The following DGKZ variants were observed in gnomAD, a reference collection of about 807,000 sequenced individuals.
DGKZ encodes DAG kinase zeta.
Under a neutral mutation model 142.5 loss-of-function variants are expected in DGKZ, and 45 were observed. The ratio of observed to expected loss-of-function variants is 0.32; its 90% CI spans 0.25 to 0.40. DGKZ has a LOEUF of 0.40. Among genes scored for constraint, DGKZ ranks in the 10% least tolerant of loss-of-function variants. The pLI is 1.00. For synonymous variants in DGKZ, 442 were observed against 527.0 expected, an observed-to-expected ratio of 0.84 and a Z score of 2.21; for missense variants, 755 against 1,306.5, an observed-to-expected ratio of 0.58 and a Z score of 6.51.
upstream of DGKZ, among the ~76,000 whole-genome samples, chr11:46,342,864 C>T (rs1940341995): frequency 6.6e-6 from 1 of 152,156 alleles, no homozygotes; most frequent in Non-Finnish European, 1.5e-5. Flanking sequence ...TGGCTCATGC[C>T]TGTAATCCCA....
At chr11:46,375,175 C>A in intron 19 of DGKZ, 130 bp downstream of exon 19, 2 of 963,172 alleles carry the variant, frequency 2.1e-6, no homozygotes, top group Non-Finnish European at 3.0e-6. Context: ...ATTCCTCTGG[C>A]TTGAGAGCGG....
intron 25 of DGKZ, chr11:46,377,430 A>C: frequency 1.2e-6 from 1 of 849,728 alleles, no homozygotes; most frequent in Non-Finnish European, 1.7e-6. Flanking sequence ...CCTCCTCTGG[A>C]CCTCATCCTT....
In DGKZ at chr11:46,372,039, G is replaced by T; in HGVS notation, c.832-36G>T. On this transcript the variant is annotated intron_variant, in intron 9 of 30. Coordinates refer to ENST00000527911, the Ensembl canonical transcript of DGKZ. This position sits in a 1 kb window ranked among gnomAD's most constrained non-coding sequence, Gnocchi z 5.9. ...AGGATGATGGTAGGGTGTCCTGGACGGGAAGGAGCTTACAGCCTCTCACCT... is the reference window on the plus strand; with the variant it reads ...AGGATGATGGTAGGGTGTCCTGGACTGGAAGGAGCTTACAGCCTCTCACCT... 6.4e-7 allele frequency: 1 copy of T among 1,569,162 alleles called. No homozygotes were observed. The highest frequency in any genetic ancestry group is 2.3e-5 in the East Asian group (1 of 43,054).
intron 1 of DGKZ, among the ~76,000 whole-genome samples, chr11:46,348,880 A>C (rs548473041): frequency 6.6e-6 from 1 of 152,186 alleles, no homozygotes; most frequent in African/African-American, 2.4e-5. Context: ...GAGCCACCTC[A>C]GACTGAACTC....
chr11:46,378,308 G>C, intron 26 of DGKZ, 79 bp downstream of exon 26: 1 of 1,552,866 alleles, frequency 6.4e-7, no homozygotes, highest in African/African-American at 1.4e-5. Context: ...ATAGGGCCCA[G>C]ACACAGCCTT....
At chr11:46,366,607 T>TGAG (rs773555696) in intron 1 of DGKZ, 1 of 1,608,044 alleles carries the variant, frequency 6.2e-7, no homozygotes, top group Non-Finnish European at 8.5e-7. Flanking sequence ...TGGGCATGAA[T>TGAG]GAGGAGGAGG....
upstream of DGKZ, chr11:46,345,518 C>T: frequency 6.6e-7 from 1 of 1,521,174 alleles, no homozygotes; most frequent in Middle Eastern, 1.8e-4. The surrounding 1 kb of genome is among the most constrained non-coding windows in gnomAD (Gnocchi z 4.1). Flanking sequence ...GCCGGGGTCA[C>T]TGAGGCAGAT....
chr11:46,374,870 G>C (rs1339295265), intron 18 of DGKZ, 31 bp downstream of exon 18: 8 of 1,582,816 alleles, frequency 5.1e-6, no homozygotes, highest in Non-Finnish European at 5.2e-6. Context: ...GCTGGGGGGA[G>C]CCCTGCTGTC....
intron 1 of DGKZ, among the ~76,000 whole-genome samples, chr11:46,333,991 C>A (rs1387753314): frequency 6.6e-6 from 1 of 152,208 alleles, no homozygotes; most frequent in African/African-American, 2.4e-5. Flanking sequence ...CCCCATGCCC[C>A]AGCAGGCCCT....
At chr11:46,360,806 T>G (rs890143914) in intron 1 of DGKZ, among the ~76,000 whole-genome samples, 1 of 151,704 alleles carries the variant, frequency 6.6e-6, no homozygotes, top group African/African-American at 2.4e-5. Flanking sequence ...AAAAAGAGTT[T>G]AAAGAGGTCT....
intron 4 of DGKZ, 188 bp from the exon 5 acceptor site, chr11:46,369,306 G>A (rs2136472016): frequency 1.5e-6 from 1 of 686,398 alleles, no homozygotes; most frequent in Non-Finnish European, 2.6e-6. Flanking sequence ...CCTCTGGCTA[G>A]TGAGGAGGAG....
upstream of DGKZ, chr11:46,345,639 G>A (rs1325512908): frequency 6.9e-7 from 1 of 1,448,744 alleles, no homozygotes; most frequent in Middle Eastern, 1.9e-4. The surrounding 1 kb of genome is among the most constrained non-coding windows in gnomAD (Gnocchi z 4.1). Flanking sequence ...CCCTCTATGA[G>A]CCTTTTATCT....
At chr11:46,344,036 G>A (rs867541376), upstream of DGKZ, among the ~76,000 whole-genome samples, 5 of 151,224 alleles carry the variant, frequency 3.3e-5, no homozygotes, top group African/African-American at 9.7e-5. Context: ...TGCAAACTCC[G>A]CCTCCCGAAT....
intron 25 of DGKZ, chr11:46,377,600 A>C: frequency 7.8e-6 from 2 of 258,032 alleles, no homozygotes; most frequent in Non-Finnish European, 7.4e-6. Flanking sequence ...GTCAACTAAA[A>C]ATGCAGAGCA....
intron 1 of DGKZ, among the ~76,000 whole-genome samples, chr11:46,350,881 G>A (rs1454498529): frequency 4.0e-5 from 6 of 148,780 alleles, no homozygotes; most frequent in Non-Finnish European, 8.9e-5. Context: ...AGCTCAGTGA[G>A]CCATGATTCT....
At chr11:46,336,606 A>G (rs1940027619) in intron 1 of DGKZ, among the ~76,000 whole-genome samples, 2 of 151,952 alleles carry the variant, frequency 1.3e-5, no homozygotes, top group African/African-American at 4.8e-5. Context: ...ATAGGGTCTC[A>G]CTGTGTGTGT....
intron 1 of DGKZ, chr11:46,365,030 T>C: frequency 8.1e-6 from 8 of 985,340 alleles, no homozygotes; most frequent in African/African-American, 1.7e-5. Context: ...AGGCTGCCCT[T>C]CCCCCACTGT....
intron 1 of DGKZ, among the ~76,000 whole-genome samples, chr11:46,341,255 C>T (rs1055078398): frequency 6.6e-6 from 1 of 152,218 alleles, no homozygotes; most frequent in African/African-American, 2.4e-5. Flanking sequence ...TGGCAACTTC[C>T]ATAGGAAGTC....
intron 29 of DGKZ, 107 bp from the exon 30 acceptor site, chr11:46,379,362 T>A (rs1240920903): frequency 1.9e-6 from 3 of 1,562,880 alleles, no homozygotes; most frequent in Non-Finnish European, 2.6e-6. Flanking sequence ...GGGCCACCCC[T>A]ATTGCCCCAG....
Sources: allele counts gnomAD v4.1 joint callset (sites outside exome capture counted in the v4.1 genomes callset), GRCh38; gene constraint gnomAD v4.1.1; non-coding constraint Gnocchi (gnomAD v3.1); transcripts MANE v1.5; gene names NCBI Gene and HGNC (gene_info 2026-07-23, HGNC 2026-07-21).